Variants in CACNG3 observed in about 807,000 individuals in gnomAD.
The protein encoded by CACNG3 is calcium voltage-gated channel auxiliary subunit gamma 3, also known as voltage-dependent calcium channel gamma-3 subunit.
In CACNG3, 3 loss-of-function variants were observed where a neutral mutation model predicts 28.5. The observed-to-expected ratio is 0.11, with a 90% confidence interval of 0.05 to 0.27. The LOEUF is 0.27. Ranked by LOEUF, CACNG3 falls within the 10% of genes least tolerant of loss-of-function variation. The pLI, the probability that CACNG3 is intolerant of heterozygous loss-of-function variation, is 1.00. For synonymous variants in CACNG3, 174 were observed against 162.2 expected (o/e 1.07, Z -0.55); for missense variants, 236 against 414.4 (o/e 0.57, Z 3.74).
intron 1 of CACNG3, among the ~76,000 whole-genome samples, chr16:24,276,083 G>A (rs1378432079): frequency 6.6e-6 from 1 of 152,168 alleles, no homozygotes. Context: ...TGTGAGGCTA[G>A]GTTTTCTTCA....
rs559133990 is a variant in CACNG3, at chr16:24,317,635, AAAG to A, written c.212-29096_212-29094del. On this transcript the variant is annotated intron_variant, in intron 1 of 3. Transcript: ENST00000005284. ...GAAAGAAAGAAAGAAAGACAGACAG[AAAG>A]AAAGAAAAGAAAAGAAAGAAAGAAA... is the stretch of plus-strand genomic sequence containing the variant. 2.1e-3 allele frequency among the ~76,000 whole-genome samples: 96 copies of A among 46,648 alleles called. 4 individuals are homozygous for A. The highest frequency in any genetic ancestry group is 6.1e-3 in the South Asian group (9 of 1,474). The allele number at this position is 46,648 out of a possible 152,430, so 30.6% of individuals were successfully genotyped here.
intron 1 of CACNG3, among the ~76,000 whole-genome samples, chr16:24,286,045 T>C (rs545787991): frequency 6.6e-6 from 1 of 152,136 alleles, no homozygotes; most frequent in Non-Finnish European, 1.5e-5. Flanking sequence ...GGTCTCCCCA[T>C]GTTTCCCAGG....
chr16:24,299,611 C>A lies in CACNG3; in HGVS notation c.211+42646C>A, dbSNP rs149738010. 9.0e-3 allele frequency among the ~76,000 whole-genome samples: 1,366 copies of A among 152,270 alleles called. 19 individuals carry two copies. Among genetic ancestry groups the A allele is most frequent in the African/African-American group, 0.031 (1,293 of 41,538 alleles). ...TGGAAATCTGTGTATATATAGCAAC[C>A]CATGTAAATAGACACATTCATAACT... On this transcript the variant is annotated intron_variant, in intron 1 of 3. Coordinates refer to ENST00000005284, the MANE Select transcript of CACNG3 (RefSeq NM_006539.4).
chr16:24,354,731 T>C, intron 2 of CACNG3, 102 bp from the exon 3 acceptor site: 1 of 1,203,834 alleles, frequency 8.3e-7, no homozygotes, highest in Non-Finnish European at 1.2e-6. Flanking sequence ...GGCTCTGTTC[T>C]CTTCCTGTGC....
chr16:24,322,689 C>T (rs1899480852), intron 1 of CACNG3, among the ~76,000 whole-genome samples: 1 of 152,164 alleles, frequency 6.6e-6, no homozygotes, highest in East Asian at 1.9e-4. Context: ...CTACCCCCTC[C>T]CCAACCCACA....
At chr16:24,299,748 G>C (rs369746841) in intron 1 of CACNG3, among the ~76,000 whole-genome samples, 2 of 152,090 alleles carry the variant, frequency 1.3e-5, no homozygotes, top group Non-Finnish European at 2.9e-5. Context: ...CCAGTATGAC[G>C]TGGTTCATTC....
At chr16:24,334,357 G>T (rs1305680310) in intron 1 of CACNG3, among the ~76,000 whole-genome samples, 1 of 152,104 alleles carries the variant, frequency 6.6e-6, no homozygotes, top group Non-Finnish European at 1.5e-5. Flanking sequence ...GGCTAGGTGG[G>T]CTGGTGAGGA....
intron 1 of CACNG3, among the ~76,000 whole-genome samples, chr16:24,267,087 C>T (rs1898620796): frequency 6.6e-6 from 1 of 151,738 alleles, no homozygotes; most frequent in Non-Finnish European, 1.5e-5. Context: ...CTGCCTCAGC[C>T]TCCCGAGTAG....
chr16:24,291,957 G>T (rs964380181), intron 1 of CACNG3, among the ~76,000 whole-genome samples: 1 of 152,068 alleles, frequency 6.6e-6, no homozygotes, highest in African/African-American at 2.4e-5. Context: ...AAGTTTGAAG[G>T]GAGGCAGAAC....
chr16:24,282,155 G>A (rs1238562472), intron 1 of CACNG3, among the ~76,000 whole-genome samples: 1 of 152,158 alleles, frequency 6.6e-6, no homozygotes, highest in Non-Finnish European at 1.5e-5. Context: ...GACCCGACCG[G>A]GAAGCACGAT....
At chr16:24,322,935 T>G (rs1899484803) in intron 1 of CACNG3, among the ~76,000 whole-genome samples, 1 of 152,020 alleles carries the variant, frequency 6.6e-6, no homozygotes, top group Non-Finnish European at 1.5e-5. Flanking sequence ...CTTACAAAAA[T>G]GAGATGAAGG....
intron 1 of CACNG3, among the ~76,000 whole-genome samples, chr16:24,345,842 C>T (rs1479749124): frequency 6.6e-6 from 1 of 152,152 alleles, no homozygotes; most frequent in Non-Finnish European, 1.5e-5. Context: ...AAGGGAGTGT[C>T]CTGTGGTCAG....
intron 1 of CACNG3, among the ~76,000 whole-genome samples, chr16:24,337,742 G>C (rs1311108211): frequency 6.6e-6 from 1 of 151,902 alleles, no homozygotes; most frequent in Non-Finnish European, 1.5e-5. Context: ...ATTCCTGCAT[G>C]TTTGGAAGCC....
At chr16:24,330,355 C>T (rs1223011065) in intron 1 of CACNG3, among the ~76,000 whole-genome samples, 1 of 152,194 alleles carries the variant, frequency 6.6e-6, no homozygotes, top group Non-Finnish European at 1.5e-5. Flanking sequence ...AAATAACCCT[C>T]CCCACAAACC....
At chr16:24,265,276 A>G (rs769968018) in intron 1 of CACNG3, among the ~76,000 whole-genome samples, 5 of 150,512 alleles carry the variant, frequency 3.3e-5, no homozygotes, top group Non-Finnish European at 1.5e-5. Flanking sequence ...CGAGAGAAGG[A>G]AGGAAGGAAG....
intron 2 of CACNG3, among the ~76,000 whole-genome samples, chr16:24,349,489 A>T (rs964838910): frequency 6.6e-6 from 1 of 152,216 alleles, no homozygotes; most frequent in African/African-American, 2.4e-5. Context: ...CAGGAGGCGA[A>T]TTATTCATAA....
chr16:24,266,416 G>T (rs1483611244), intron 1 of CACNG3, among the ~76,000 whole-genome samples: 2 of 152,138 alleles, frequency 1.3e-5, no homozygotes, highest in Non-Finnish European at 2.9e-5. Flanking sequence ...ACTCCAAAAT[G>T]TTACAAATCA....
rs1900099821 is a variant in CACNG3, at chr16:24,361,347, C to T, written c.437-5C>T. The T allele has an allele frequency of 3.8e-6, 6 of 1,574,212 alleles. No individual in the cohort carries two copies. The highest frequency in any genetic ancestry group is 5.2e-6 in the Non-Finnish European group (6 of 1,161,966). On this transcript the variant is annotated splice_region_variant and splice_polypyrimidine_tract_variant and intron_variant, in intron 3 of 3. Transcript: ENST00000005284. This position sits in a 1 kb window ranked among gnomAD's most constrained non-coding sequence, Gnocchi z 6.8. ...GGACGTGTTTTTCTTTTCCCCTTCT[C>T]TTAGGGTTAAGCAACATCATTGGCA...
At chr16:24,271,749 A>G (rs1430332253) in intron 1 of CACNG3, among the ~76,000 whole-genome samples, 2 of 152,208 alleles carry the variant, frequency 1.3e-5, no homozygotes, top group Admixed American at 1.3e-4. Flanking sequence ...AGACGCTGAT[A>G]GAGTGCACCC....
Sources: gnomAD v4.1 joint callset for allele counts (sites outside exome capture counted in the v4.1 genomes callset) on GRCh38, gnomAD v4.1.1 for gene constraint, Gnocchi (gnomAD v3.1) non-coding constraint, MANE v1.5 for transcripts, NCBI Gene and HGNC (gene_info 2026-07-23, HGNC 2026-07-21) for gene names.